NDUFAF6: variants seen among roughly 807,000 people sequenced by gnomAD.
NDUFAF6 encodes the protein NADH dehydrogenase (ubiquinone) complex I, assembly factor 6.
In NDUFAF6, 45 loss-of-function variants were observed where a neutral mutation model predicts 40.8. The observed-to-expected ratio is 1.10, with a 90% confidence interval of 0.87 to 1.42. The LOEUF is 1.42. Among genes scored for constraint, NDUFAF6 ranks in the 40% most tolerant of loss-of-function variants. NDUFAF6 has a pLI of 0.00. For synonymous variants in NDUFAF6, 185 were observed against 155.9 expected (o/e 1.19, Z -1.39); for missense variants, 435 against 418.5 (o/e 1.04, Z -0.34).
At chr8:94,933,398 A>C (rs987973929) in intron 1 of NDUFAF6, among the ~76,000 whole-genome samples, 3 of 152,232 alleles carry the variant, frequency 2.0e-5, no homozygotes, top group Non-Finnish European at 4.4e-5. Flanking sequence ...GGAAGGAAGA[A>C]GAAGGAAGAA....
downstream of NDUFAF6, among the ~76,000 whole-genome samples, chr8:95,103,896 AG>A (rs1809734165): frequency 6.6e-6 from 1 of 152,184 alleles, no homozygotes; most frequent in African/African-American, 2.4e-5. Flanking sequence ...CTTACCATTA[AG>A]GCTGTGATCA....
chr8:94,909,974 G>C (rs1431948268), intron 1 of NDUFAF6, among the ~76,000 whole-genome samples: 1 of 151,900 alleles, frequency 6.6e-6, no homozygotes, highest in African/African-American at 2.4e-5. Context: ...AGAGGCCCCT[G>C]AAAACTAGGC....
downstream of NDUFAF6, among the ~76,000 whole-genome samples, chr8:95,106,728 A>G (rs1037268662): frequency 6.6e-6 from 1 of 152,202 alleles, no homozygotes; most frequent in East Asian, 1.9e-4. Flanking sequence ...TTTGCAATCT[A>G]TCCATCTGAC....
chr8:95,038,981 T>G (rs1459378934), intron 3 of NDUFAF6, among the ~76,000 whole-genome samples: 1 of 149,118 alleles, frequency 6.7e-6, no homozygotes, highest in Non-Finnish European at 1.5e-5. Context: ...TTTTTTGTGT[T>G]TGTTTTTTTT....
chr8:95,039,463 A>G (rs10102806), intron 3 of NDUFAF6, among the ~76,000 whole-genome samples: 111,481 of 149,072 alleles, frequency 0.75, 42,106 homozygotes, highest in East Asian at 0.94. Flanking sequence ...AAAAAAAAAA[A>G]GGGGGGGTTT....
rs1050263776 is a variant in NDUFAF6, at chr8:95,082,210, C to T, written n.213+6458C>T. Among the ~76,000 whole-genome samples the T allele has an allele frequency of 2.6e-5, 4 of 152,166 alleles. No homozygotes were observed. The South Asian group carries it at 8.3e-4, about 32-fold the overall frequency. ...AAAAGAATTAGGCTGGGTGCGGTGG[C>T]TTATGCCTGTAATCCCAGCACTTTG... On this transcript the variant is annotated intron_variant and non_coding_transcript_variant, in intron 2 of 5. Transcript: ENST00000523184.
At chr8:95,097,528 T>C (rs1430399774), upstream of NDUFAF6, among the ~76,000 whole-genome samples, 1 of 152,108 alleles carries the variant, frequency 6.6e-6, no homozygotes, top group African/African-American at 2.4e-5. Flanking sequence ...TGAAACCCTG[T>C]CTCTACTAAA....
chr8:94,940,767 C>T, intron 1 of NDUFAF6: 2 of 1,272,794 alleles, frequency 1.6e-6, no homozygotes, highest in Non-Finnish European at 2.2e-6. Flanking sequence ...TATGCAAAAA[C>T]TGAGATGCAA....
intron 2 of NDUFAF6, among the ~76,000 whole-genome samples, chr8:95,084,601 G>A (rs1587254617): frequency 2.6e-5 from 4 of 152,156 alleles, no homozygotes; most frequent in African/African-American, 4.8e-5. Flanking sequence ...TTTCCAATAC[G>A]TGCTATTCAG....
intron 2 of NDUFAF6, among the ~76,000 whole-genome samples, chr8:95,085,835 G>T (rs975004679): frequency 2.6e-5 from 4 of 152,104 alleles, no homozygotes; most frequent in African/African-American, 9.7e-5. Flanking sequence ...CCACATATCT[G>T]GTTCTGCAGG....
intron 2 of NDUFAF6, among the ~76,000 whole-genome samples, chr8:95,084,795 T>C (rs1808989584): frequency 6.6e-6 from 1 of 152,228 alleles, no homozygotes; most frequent in African/African-American, 2.4e-5. Flanking sequence ...CTTGGGTACC[T>C]GTCGTAGGAT....
At chr8:94,982,370 T>C (rs2131585398) in intron 2 of NDUFAF6, among the ~76,000 whole-genome samples, 1 of 152,350 alleles carries the variant, frequency 6.6e-6, no homozygotes, top group Middle Eastern at 3.4e-3. Context: ...GGCTATCCCA[T>C]ATAGGTTAGG....
chr8:95,078,119 A>G (rs1007563824), downstream of NDUFAF6, among the ~76,000 whole-genome samples: 1 of 152,148 alleles, frequency 6.6e-6, no homozygotes, highest in Non-Finnish European at 1.5e-5. Flanking sequence ...GAGCCCATGG[A>G]GAGAATCAAA....
intron 8 of NDUFAF6, chr8:95,055,174 G>T (rs533003718): frequency 6.6e-6 from 1 of 152,186 alleles, no homozygotes; most frequent in East Asian, 1.9e-4. Context: ...GTAAAGATTT[G>T]GACAATATAA....
chr8:94,947,415 C>G (rs1186699438), intron 2 of NDUFAF6, among the ~76,000 whole-genome samples: 1 of 152,118 alleles, frequency 6.6e-6, no homozygotes, highest in East Asian at 1.9e-4. Context: ...CAGAATTATC[C>G]TTCTTTTTAT....
chr8:95,031,536 A>G (rs1325548840), intron 1 of NDUFAF6, among the ~76,000 whole-genome samples: 2 of 152,330 alleles, frequency 1.3e-5, no homozygotes, highest in South Asian at 2.1e-4. Context: ...TACATTTTTC[A>G]TAACTTTTAA....
chr8:95,114,322 G>T (rs532401578), intron 4 of NDUFAF6, among the ~76,000 whole-genome samples: 2 of 152,280 alleles, frequency 1.3e-5, no homozygotes, highest in East Asian at 3.9e-4. Flanking sequence ...GAACCCCAGT[G>T]GTTCCCTGAC....
At chr8:95,057,577 C>A (rs921867968) in intron 8 of NDUFAF6, among the ~76,000 whole-genome samples, 11 of 152,084 alleles carry the variant, frequency 7.2e-5, no homozygotes, top group African/African-American at 2.7e-4. Context: ...ATATTATGAG[C>A]AGAAGAGGCT....
intron 2 of NDUFAF6, among the ~76,000 whole-genome samples, chr8:94,951,866 C>G (rs1450860370): frequency 3.3e-5 from 5 of 152,226 alleles, no homozygotes; most frequent in African/African-American, 7.2e-5. Context: ...AATGTCATCT[C>G]CATAGCGTAG....
Sources: gnomAD v4.1 joint callset for allele counts (sites outside exome capture counted in the v4.1 genomes callset) on GRCh38, gnomAD v4.1.1 for gene constraint, MANE v1.5 for transcripts, NCBI Gene and HGNC (gene_info 2026-07-23, HGNC 2026-07-21) for gene names.